Variants in AADAT observed in about 807,000 individuals in gnomAD.
AADAT encodes the protein kynurenine/alpha-aminoadipate aminotransferase, mitochondrial.
AADAT carries 25 observed loss-of-function variants against 56.2 expected under a neutral mutation model. The observed-to-expected ratio is 0.44, with a 90% CI of 0.32 to 0.62. The LOEUF (loss-of-function observed/expected upper bound fraction) is 0.62, where lower values mean the gene tolerates loss of function less well. Ranked by LOEUF, AADAT falls within the 20% of genes least tolerant of loss-of-function variation. AADAT has a pLI of 0.04. For synonymous variants in AADAT, 173 were observed against 164.7 expected, an observed-to-expected ratio of 1.05 and a Z score of -0.39; for missense variants, 387 against 510.5, an observed-to-expected ratio of 0.76 and a Z score of 2.33.
chr4:170,064,456 C>G (rs1731348325), intron 11 of AADAT, among the ~76,000 whole-genome samples: 1 of 152,230 alleles, frequency 6.6e-6, no homozygotes, highest in African/African-American at 2.4e-5. Flanking sequence ...ACAGGTGTGG[C>G]TCCGGAGACT....
intron 3 of AADAT, 100 bp downstream of exon 3, chr4:170,087,016 T>G (rs1732596564): frequency 2.1e-6 from 3 of 1,452,948 alleles, no homozygotes; most frequent in Non-Finnish European, 2.8e-6. Flanking sequence ...AGACTACCAG[T>G]AATCCATAAA....
At chr4:170,077,932 C>T (rs944128819) in intron 4 of AADAT, among the ~76,000 whole-genome samples, 5 of 152,170 alleles carry the variant, frequency 3.3e-5, no homozygotes, top group African/African-American at 1.2e-4. Flanking sequence ...CTCTGACTAT[C>T]TTTCTCTGAG....
Position 170,073,201 on chromosome 4 carries a change from C to T in AADAT, c.589G>A (p.Val197Ile). The change falls in exon 5 of 13, where the codon GTT (valine) becomes ATT (isoleucine). Residue 197 changes from valine (V) to isoleucine (I), a missense_variant. Val to Ile is a conservative substitution (Grantham distance 29). Transcript: ENST00000337664. Reference sequence around the variant, plus strand: ...CCAGTAGGGTTGTTGCCATTTGGAACAGTATAAAGAAATTTGGGGGTGTTT... The same window carrying T: ...CCAGTAGGGTTGTTGCCATTTGGAATAGTATAAAGAAATTTGGGGGTGTTT... ...QKNTPKFLYT[V>I]PNGNNPTGNS... is the part of the protein sequence containing the mutation. 2 of 1,614,090 alleles carry T rather than the reference C, an allele frequency of 1.2e-6. No individual in the cohort carries two copies. Among genetic ancestry groups the T allele is most frequent in the Non-Finnish European group, 1.7e-6 (2 of 1,180,018 alleles).
chr4:170,078,443 C>G, intron 4 of AADAT, 66 bp downstream of exon 4: 1 of 883,424 alleles, frequency 1.1e-6, no homozygotes, highest in Non-Finnish European at 1.8e-6. Flanking sequence ...TATTATAAAA[C>G]CTTTATTATA....
At chr4:170,088,760 G>T (rs1732689156) in intron 1 of AADAT, among the ~76,000 whole-genome samples, 196 bp from the exon 2 acceptor site, 3 of 152,156 alleles carry the variant, frequency 2.0e-5, no homozygotes, top group South Asian at 4.1e-4. Context: ...AACAGGTGGG[G>T]TCTCTAGAGG....
chr4:170,069,341 A>G, intron 6 of AADAT, 111 bp from the exon 7 acceptor site: 1 of 752,868 alleles, frequency 1.3e-6, no homozygotes, highest in Admixed American at 2.9e-5. Flanking sequence ...CAACAGTACA[A>G]ATATTCTCTT....
rs1440757922 is a variant in AADAT at position 170,088,456 on chromosome 4, T to C, written c.176A>G (p.Lys59Arg). The change falls in exon 2 of 13, where the codon AAG becomes AGG. Residue 59 changes from lysine to arginine, a missense_variant. Lys to Arg is a conservative substitution (Grantham distance 26). Coordinates refer to ENST00000337664, the MANE Select transcript of AADAT (RefSeq NM_016228.4). ...KTAVITVENG[K>R]TIQFGEEMMK... Reference sequence around the variant, plus strand: ...CATCTCTTCTCCAAATTGGATGGTCTTTCCATTTTCTACAGTGATTACGGC... The same window carrying C: ...CATCTCTTCTCCAAATTGGATGGTCCTTCCATTTTCTACAGTGATTACGGC... 1 of 1,613,336 alleles carries C rather than the reference T, an allele frequency of 6.2e-7. No individual in the cohort carries two copies. The highest frequency in any genetic ancestry group is 1.1e-5 in the South Asian group (1 of 91,032).
chr4:170,065,092 A>G (rs1012582463), intron 10 of AADAT, among the ~76,000 whole-genome samples: 6 of 152,166 alleles, frequency 3.9e-5, no homozygotes, highest in Non-Finnish European at 7.4e-5. Context: ...TTTACAATGT[A>G]GTCAGTCTTA....
chr4:170,064,551 A>C (rs1731352912), intron 11 of AADAT, among the ~76,000 whole-genome samples, 168 bp downstream of exon 11: 1 of 152,232 alleles, frequency 6.6e-6, no homozygotes, highest in South Asian at 2.1e-4. Context: ...TACGTAACCC[A>C]AAAACCTCTT....
In AADAT at chr4:170,061,998, G is replaced by C; in HGVS notation, c.1135-5C>G. Reference sequence around the variant, plus strand: ...ATTTCCAGGGAGCATTAATACCTAAGAGAGTTTGTGGAAGATAAGTAATGT... The same window carrying C: ...ATTTCCAGGGAGCATTAATACCTAACAGAGTTTGTGGAAGATAAGTAATGT... On this transcript the variant is annotated splice_region_variant and splice_polypyrimidine_tract_variant and intron_variant, in intron 11 of 12. Transcript: ENST00000337664. 1 of 1,601,392 alleles carries C rather than the reference G, an allele frequency of 6.2e-7. No homozygotes were observed. Among genetic ancestry groups the C allele is most frequent in the Non-Finnish European group, 8.5e-7 (1 of 1,169,730 alleles).
upstream of AADAT, among the ~76,000 whole-genome samples, chr4:170,092,422 G>A (rs1732894060): frequency 1.3e-5 from 2 of 152,224 alleles, no homozygotes. Flanking sequence ...CAGCCAGTGA[G>A]ACCACGAACC....
At chr4:170,075,980 T>A (rs185200850) in intron 4 of AADAT, among the ~76,000 whole-genome samples, 62 of 152,368 alleles carry the variant, frequency 4.1e-4, no homozygotes, top group Admixed American at 3.3e-3. Flanking sequence ...ATTTTATTTA[T>A]CCATTCATCC....
chr4:170,078,962 G>A (rs1222334923), intron 3 of AADAT, among the ~76,000 whole-genome samples: 1 of 152,094 alleles, frequency 6.6e-6, no homozygotes, highest in Admixed American at 6.6e-5. Context: ...TCCTTTTATT[G>A]CTTCTTTGAA....
chr4:170,077,106 T>C (rs1284360847), intron 4 of AADAT, among the ~76,000 whole-genome samples: 1 of 152,200 alleles, frequency 6.6e-6, no homozygotes, highest in Non-Finnish European at 1.5e-5. Context: ...TACTGCAGCT[T>C]TGCAGTTTTG....
At position 170,060,866 on chromosome 4, in the gene AADAT, C is replaced by A; in HGVS notation, c.*62G>T. The A allele has an allele frequency of 7.2e-7, 1 of 1,381,420 alleles. No homozygotes were observed. The highest frequency in any genetic ancestry group is 1.3e-5 in the South Asian group (1 of 74,512). The allele number at this position is 1,381,420 out of a possible 1,614,324, so 85.6% of individuals were successfully genotyped here. On this transcript the variant is annotated 3_prime_UTR_variant, in exon 13 of 13. Transcript: ENST00000337664. Reference sequence around the variant, plus strand: ...CTGGGTTCAAGTGATCCTCCCTCCTCTGCCTCCCAAAGTGCTGGGATTATA... The same window carrying A: ...CTGGGTTCAAGTGATCCTCCCTCCTATGCCTCCCAAAGTGCTGGGATTATA...
chr4:170,078,589 A>G lies in AADAT; in HGVS notation c.370-6T>C. ...TTAATGATCATTTCAAACACCTAAC[A>G]AAAGAAGCATAGGTTAGCTTGTTAG... On this transcript the variant is annotated splice_region_variant and splice_polypyrimidine_tract_variant and intron_variant, in intron 3 of 12. Coordinates refer to ENST00000337664, the MANE Select transcript of AADAT (RefSeq NM_016228.4). The G allele has an allele frequency of 6.3e-7, 1 of 1,596,874 alleles. No individual in the cohort carries two copies. The highest frequency in any genetic ancestry group is 8.6e-7 in the Non-Finnish European group (1 of 1,169,046).
At chr4:170,089,500 C>T in intron 1 of AADAT, 124 bp downstream of exon 1, 1 of 1,041,594 alleles carries the variant, frequency 9.6e-7, no homozygotes, top group South Asian at 1.4e-5. Flanking sequence ...GAGCCTGGCT[C>T]ACCGCGAGCG....
chr4:170,063,603 T>C (rs79631186), intron 11 of AADAT, among the ~76,000 whole-genome samples: 3,549 of 152,340 alleles, frequency 0.023, 136 homozygotes, highest in African/African-American at 0.081. Flanking sequence ...TCAAGTAAGA[T>C]GGCTAAGAGA....
At chr4:170,084,053 TA>T (rs1732438844) in intron 3 of AADAT, among the ~76,000 whole-genome samples, 2 of 152,048 alleles carry the variant, frequency 1.3e-5, no homozygotes, top group Admixed American at 6.6e-5. Flanking sequence ...TATTCAACCA[TA>T]AAAAAGGAAT....
Sources: allele counts gnomAD v4.1 joint callset (sites outside exome capture counted in the v4.1 genomes callset), GRCh38; gene constraint gnomAD v4.1.1; transcripts MANE v1.5; gene names NCBI Gene and HGNC (gene_info 2026-07-23, HGNC 2026-07-21).